The following PMF1 variants were observed in gnomAD, a reference collection of about 807,000 sequenced individuals.
PMF1 encodes polyamine modulated factor 1, also known as polyamine-modulated factor 1.
Under a neutral mutation model 26.7 loss-of-function variants are expected in PMF1, and 21 were observed. The observed-to-expected ratio is 0.79, with a 90% CI of 0.56 to 1.13. PMF1 has a LOEUF of 1.13. Among genes scored for constraint, PMF1 ranks in the 50% most tolerant of loss-of-function variants. PMF1 has a pLI of 0.00. For missense variants in PMF1, 266 were observed against 254.9 expected (o/e 1.04, Z -0.30); for synonymous variants, 105 against 101.0 (o/e 1.04, Z -0.24).
Position 156,213,178 on chromosome 1 carries a change from T to C in PMF1, c.161+2T>C, listed in dbSNP as rs1657475276. ...TCAGAAGCTGGTCGCCGCCGGCAGG[T>C]AAAGTGGACGCAGCCGCGGTGGGAG... On this transcript the variant is annotated splice_donor_variant, in intron 1 of 4. Coordinates refer to ENST00000368277, the MANE Select transcript of PMF1 (RefSeq NM_007221.4). LOFTEE classifies it high-confidence loss of function. 3 of 1,612,012 alleles carry C rather than the reference T, an allele frequency of 1.9e-6. No homozygotes were observed. The highest frequency in any genetic ancestry group is 2.5e-6 in the Non-Finnish European group (3 of 1,178,522).
At chr1:156,216,903 A>G (rs1173242139) in intron 1 of PMF1, among the ~76,000 whole-genome samples, 1 of 152,164 alleles carries the variant, frequency 6.6e-6, no homozygotes, top group African/African-American at 2.4e-5. Context: ...CTATGCAGCC[A>G]TAAAAAATGA....
chr1:156,213,193 C>A lies in PMF1; in HGVS notation c.161+17C>A, dbSNP rs781023143. On this transcript the variant is annotated intron_variant, in intron 1 of 4. Transcript: ENST00000368277. ...CGCCGGCAGGTAAAGTGGACGCAGCCGCGGTGGGAGTGTTTGTTGGCACCG... is the reference window on the plus strand; with the variant it reads ...CGCCGGCAGGTAAAGTGGACGCAGCAGCGGTGGGAGTGTTTGTTGGCACCG... The A allele has an allele frequency of 2.5e-6, 4 of 1,610,946 alleles. No homozygotes were observed. In the South Asian group the frequency reaches 3.3e-5, roughly 13 times the overall value.
intron 1 of PMF1, among the ~76,000 whole-genome samples, chr1:156,222,707 G>C (rs1658150621): frequency 6.6e-6 from 1 of 152,156 alleles, no homozygotes; most frequent in Admixed American, 6.5e-5. Context: ...AGTAGAGACG[G>C]GGTTTCACCA....
At position 156,213,105 on chromosome 1, in the gene PMF1, T is replaced by C. The variant is rs1256068468; in HGVS notation, c.90T>C (p.Thr30=). 1.4e-5 allele frequency: 23 copies of C among 1,614,130 alleles called. No homozygotes were observed. The East Asian group carries it at 4.7e-4, about 33-fold the overall frequency. ...CTTCGGAATCTGTGCCACCCGGCAC[T>C]ACCATTTCGAGGGTGAAGCTCCTCG... ...GSSSESVPPG[T]TISRVKLLDT... The change falls in exon 1 of 5, where the codon ACT becomes ACC. Residue 30 remains threonine, a synonymous_variant. Transcript: ENST00000368277.
intron 1 of PMF1, 124 bp from the exon 2 acceptor site, chr1:156,232,196 T>C (rs1658748206): frequency 2.4e-6 from 2 of 828,612 alleles, no homozygotes; most frequent in Non-Finnish European, 2.0e-6. Context: ...TCCACTGGCT[T>C]TAACCAGGGC....
intron 3 of PMF1, among the ~76,000 whole-genome samples, chr1:156,234,591 C>T (rs1658900841): frequency 6.6e-6 from 1 of 151,934 alleles, no homozygotes; most frequent in African/African-American, 2.4e-5. Flanking sequence ...TCATTGCAAC[C>T]TCCACCTCCT....
intron 1 of PMF1, among the ~76,000 whole-genome samples, chr1:156,228,256 ATTTTTTTTTTTTT>A (rs772709878): frequency 6.0e-4 from 20 of 33,566 alleles, no homozygotes; most frequent in Middle Eastern, 0.031. Flanking sequence ...GCACCTGGCG[ATTTTTTTTTTTTT>A]TTTTTTTTTT....
chr1:156,236,927 T>G (rs144847100), intron 4 of PMF1: 3,716 of 170,742 alleles, frequency 0.022, 66 homozygotes, highest in Non-Finnish European at 0.032. Context: ...TTTTTAAAAT[T>G]GATACATCAT....
rs373455565 is a variant in PMF1, at chr1:156,222,539, C to T, written c.161+9363C>T. Among the ~76,000 whole-genome samples, 128 of 152,272 alleles carry T rather than the reference C, an allele frequency of 8.4e-4. 3 individuals are homozygous for T. In the South Asian group the frequency reaches 0.013, roughly 16 times the overall value. On this transcript the variant is annotated intron_variant, in intron 1 of 4. Transcript: ENST00000368277. ...CCAGGATTACAGGCATGAGCCACCA[C>T]GCCCGGCTAATTTTGTATTTGTAGT...
At chr1:156,237,540 A>G (rs1261101999) in intron 4 of PMF1, among the ~76,000 whole-genome samples, 182 of 138,530 alleles carry the variant, frequency 1.3e-3, no homozygotes, top group Non-Finnish European at 8.9e-4. Flanking sequence ...TCCACTTCCC[A>G]GGTTCAAGCC....
rs1658759526 is a variant in PMF1, at chr1:156,232,331, T to G, written c.173T>G (p.Phe58Cys). The G allele has an allele frequency of 6.2e-7, 1 of 1,613,998 alleles. No individual in the cohort carries two copies. The change falls in exon 2 of 5, where the codon TTC becomes TGC. Residue 58 changes from phenylalanine (F) to cysteine (C), a missense_variant. Coordinates refer to ENST00000368277, the MANE Select transcript of PMF1 (RefSeq NM_007221.4). ...CTCCTTCCCGCCAGCTACCAGAGAT[T>G]CACTGACTGCTATAAGTGCTTCTAC... The part of the protein sequence containing the change: ...KLVAAGSYQR[F>C]TDCYKCFYQL...
intron 1 of PMF1, among the ~76,000 whole-genome samples, chr1:156,224,687 C>T (rs1337423554): frequency 6.6e-6 from 1 of 151,812 alleles, no homozygotes; most frequent in African/African-American, 2.4e-5. Flanking sequence ...TGGTGTGAAC[C>T]CCAGAGGCGG....
At chr1:156,225,511 C>G (rs1162972826) in intron 1 of PMF1, 11 of 1,191,746 alleles carry the variant, frequency 9.2e-6, no homozygotes, top group Non-Finnish European at 1.3e-5. Context: ...CTTTGCATCC[C>G]CAGCTTCTGT....
chr1:156,234,085 A>AG lies in PMF1; in HGVS notation c.368+357_368+358insG, dbSNP rs151326942. 5.9e-5 allele frequency among the ~76,000 whole-genome samples: 9 copies of AG among 152,290 alleles called. No individual in the cohort carries two copies. The East Asian group carries it at 1.5e-3, about 26-fold the overall frequency. On this transcript the variant is annotated intron_variant, in intron 3 of 4. Transcript: ENST00000368277. Reference sequence around the variant, plus strand: ...TAGTGAGACCCTGTCTCTAAAAAAAACTTTTAAAAGGCTGACCCTGTGTCC... The same window carrying AG: ...TAGTGAGACCCTGTCTCTAAAAAAAAGCTTTTAAAAGGCTGACCCTGTGTCC...
chr1:156,216,279 T>G (rs948247509), intron 1 of PMF1, among the ~76,000 whole-genome samples: 9 of 152,126 alleles, frequency 5.9e-5, no homozygotes, highest in South Asian at 4.1e-4. Flanking sequence ...TAATCCCAGC[T>G]ACTCGGGAGG....
chr1:156,219,536 C>T (rs1657967429), intron 1 of PMF1, among the ~76,000 whole-genome samples: 1 of 152,186 alleles, frequency 6.6e-6, no homozygotes, highest in Non-Finnish European at 1.5e-5. Flanking sequence ...TTGTTAAAAC[C>T]AGGCCCTTGT....
intron 1 of PMF1, among the ~76,000 whole-genome samples, chr1:156,218,241 A>G (rs1169605227): frequency 6.6e-6 from 1 of 152,046 alleles, no homozygotes; most frequent in African/African-American, 2.4e-5. Flanking sequence ...TATCTTGTTG[A>G]TTTGCTAGAG....
chr1:156,232,354 T>C lies in PMF1; in HGVS notation c.196T>C (p.Tyr66His). ...ATTCACTGACTGCTATAAGTGCTTC[T>C]ACCAGTTGCAGCCTGCGATGACACA... ...QRFTDCYKCF[Y>H]QLQPAMTQQI... Residue 66 changes from tyrosine to histidine, a missense_variant, in exon 2 of 5, where the codon TAC becomes CAC. Coordinates refer to ENST00000368277, the MANE Select transcript of PMF1 (RefSeq NM_007221.4). The C allele has an allele frequency of 6.2e-7, 1 of 1,614,150 alleles. No homozygotes were observed. The highest frequency in any genetic ancestry group is 8.5e-7 in the Non-Finnish European group (1 of 1,179,980).
intron 1 of PMF1, among the ~76,000 whole-genome samples, chr1:156,230,553 G>A (rs1312281487): frequency 7.3e-6 from 1 of 136,518 alleles, no homozygotes; most frequent in Non-Finnish European, 1.6e-5. Context: ...TTTGTTGAAG[G>A]GGAAGGGCCT....
Sources: allele counts gnomAD v4.1 joint callset (sites outside exome capture counted in the v4.1 genomes callset), GRCh38; gene constraint gnomAD v4.1.1; transcripts MANE v1.5; gene names NCBI Gene and HGNC (gene_info 2026-07-23, HGNC 2026-07-21).